XPO5: variants seen among roughly 807,000 people sequenced by gnomAD.
XPO5 encodes exportin-5.
A neutral mutation model predicts 160.6 loss-of-function variants in XPO5; 46 were observed. The ratio of observed to expected loss-of-function variants is 0.29; its 90% CI spans 0.23 to 0.37. The LOEUF (loss-of-function observed/expected upper bound fraction) is 0.37. XPO5 is among the 10% of genes least tolerant of loss of function. The pLI is 1.00. For synonymous variants in XPO5, 537 were observed against 519.3 expected (o/e 1.03, Z -0.46); for missense variants, 1,090 against 1,463.9 (o/e 0.74, Z 4.17).
At chr6:43,565,525 A>C (rs1462405178) in intron 8 of XPO5, 135 bp downstream of exon 8, 32 of 707,596 alleles carry the variant, frequency 4.5e-5, no homozygotes, top group Non-Finnish European at 6.2e-5. Flanking sequence ...AGATCGCGCC[A>C]CTGCACTCCA....
In XPO5 at chr6:43,547,688, C is replaced by A; in HGVS notation, c.2080G>T (p.Ala694Ser). The stretch of plus-strand genomic sequence containing the variant: ...TCTGTACCCACATACGCAATGAAAG[C>A]ATCAACATCTGACAGCACTCTGAAG... ...DMHRVLSDVDAFIAYVGTDQK... is the reference protein window; with the variant it reads ...DMHRVLSDVDSFIAYVGTDQK... Residue 694 changes from alanine (A) to serine (S), a missense_variant, in exon 19 of 32, where the codon GCT becomes TCT. By Grantham distance (99) the Ala-to-Ser change is moderately conservative. Coordinates refer to ENST00000265351, the MANE Select transcript of XPO5 (RefSeq NM_020750.3). 1 of 1,613,960 alleles carries A rather than the reference C, an allele frequency of 6.2e-7. No homozygotes were observed. Among genetic ancestry groups the A allele is most frequent in the Non-Finnish European group, 8.5e-7 (1 of 1,179,876 alleles).
chr6:43,575,878 C>A lies in XPO5; in HGVS notation c.-14G>T, dbSNP rs1364982660. The A allele has an allele frequency of 1.9e-6, 3 of 1,612,892 alleles. No individual in the cohort carries two copies. In the Admixed American group the frequency reaches 5.0e-5, roughly 27 times the overall value. On this transcript the variant is annotated 5_prime_UTR_variant, in exon 1 of 32. Transcript: ENST00000265351. ...ATCCATCGCCATGCCTAGCGCCACGCGCCGAGAGCGCACACCACTGCAGTC... is the reference window on the plus strand; with the variant it reads ...ATCCATCGCCATGCCTAGCGCCACGAGCCGAGAGCGCACACCACTGCAGTC...
chr6:43,539,907 A>G (rs1182582181), intron 20 of XPO5, among the ~76,000 whole-genome samples: 5 of 152,250 alleles, frequency 3.3e-5, no homozygotes, highest in Non-Finnish European at 7.3e-5. Context: ...GTTGAGTTAG[A>G]ATAAGTTACA....
intron 13 of XPO5, 163 bp downstream of exon 13, chr6:43,555,673 T>G: frequency 1.4e-6 from 1 of 720,390 alleles, no homozygotes; most frequent in Non-Finnish European, 2.0e-6. Flanking sequence ...CTGCTTTCTT[T>G]GTGTCAGCCA....
chr6:43,523,520 A>G lies in XPO5; in HGVS notation c.*348T>C. ...TCGCAGGGTTGGGCACAGCACCCTT[A>G]GTTACCATTCTGTACAGGTATGTGG... On this transcript the variant is annotated 3_prime_UTR_variant, in exon 32 of 32. Coordinates refer to ENST00000265351, the MANE Select transcript of XPO5 (RefSeq NM_020750.3). The G allele has an allele frequency of 2.3e-6, 1 of 440,222 alleles. No individual in the cohort carries two copies. Among genetic ancestry groups the G allele is most frequent in the Non-Finnish European group, 4.5e-6 (1 of 224,118 alleles). 27.3% of individuals were successfully genotyped at this position (440,222 alleles called of 1,614,324 possible).
chr6:43,547,730 C>A, intron 18 of XPO5, 23 bp from the exon 19 acceptor site: 5 of 1,600,740 alleles, frequency 3.1e-6, no homozygotes, highest in Non-Finnish European at 4.3e-6. Context: ...GGGGGAAAAA[C>A]AAGTTACATC....
chr6:43,534,138 G>C (rs1180007248), intron 20 of XPO5, 131 bp from the exon 21 acceptor site: 4 of 586,648 alleles, frequency 6.8e-6, no homozygotes, highest in Non-Finnish European at 1.2e-5. Flanking sequence ...GGAAAGAAAA[G>C]AAGGTATAAA....
intron 14 of XPO5, 98 bp downstream of exon 14, chr6:43,553,275 C>A: frequency 7.0e-7 from 1 of 1,420,488 alleles, no homozygotes; most frequent in Non-Finnish European, 9.3e-7. Context: ...GCATTTCAGC[C>A]TGAGCAACAG....
Position 43,522,754 on chromosome 6 carries a change from CAG to C in XPO5, c.*1112_*1113del, listed in dbSNP as rs755570844. ...GATGGACAACAGGTCTGTTTTTGTG[CAG>C]AGCACATGGACACACTGGTTTCTGT... On this transcript the variant is annotated 3_prime_UTR_variant, in exon 32 of 32. Transcript: ENST00000265351. 5 of 491,370 alleles carry C rather than the reference CAG, an allele frequency of 1.0e-5. No individual in the cohort carries two copies. Among genetic ancestry groups the C allele is most frequent in the South Asian group, 7.5e-5 (5 of 66,320 alleles). The allele number at this position is 491,370 out of a possible 1,614,324, so 30.4% of individuals were successfully genotyped here.
At chr6:43,549,315 C>G (rs955673824) in intron 17 of XPO5, among the ~76,000 whole-genome samples, 174 bp downstream of exon 17, 1 of 152,210 alleles carries the variant, frequency 6.6e-6, no homozygotes, top group Non-Finnish European at 1.5e-5. Context: ...CTACCCACCT[C>G]AGTCTCCCAA....
At chr6:43,543,830 C>T (rs897625717) in intron 20 of XPO5, among the ~76,000 whole-genome samples, 1 of 152,034 alleles carries the variant, frequency 6.6e-6, no homozygotes, top group Non-Finnish European at 1.5e-5. Flanking sequence ...GCGCCCGCCA[C>T]CATGCCTGGC....
Position 43,565,647 on chromosome 6 carries a change from T to G in XPO5, c.911+13A>C, listed in dbSNP as rs1425017940. ...AGAAATTAGAAAACACACTGAAAAG[T>G]AAAGATACTCACTGTGCGGCGGAGA... On this transcript the variant is annotated intron_variant, in intron 8 of 31. Transcript: ENST00000265351. 13 of 1,575,110 alleles carry G rather than the reference T, an allele frequency of 8.3e-6. No homozygotes were observed. Among genetic ancestry groups the G allele is most frequent in the African/African-American group, 1.4e-5 (1 of 72,902 alleles).
chr6:43,539,133 C>A (rs1475513178), intron 20 of XPO5: 9 of 1,186,536 alleles, frequency 7.6e-6, no homozygotes, highest in Non-Finnish European at 1.1e-5. Context: ...CGCACCAGCA[C>A]AGAGCCACGG....
chr6:43,549,663 G>A, intron 16 of XPO5, 85 bp from the exon 17 acceptor site: 2 of 1,462,546 alleles, frequency 1.4e-6, no homozygotes, highest in Non-Finnish European at 1.9e-6. Context: ...ATCTCAGTCA[G>A]GGGCAAATTC....
At chr6:43,558,376 A>ATT in intron 12 of XPO5, 125 bp downstream of exon 12, 1 of 811,984 alleles carries the variant, frequency 1.2e-6, no homozygotes, top group Non-Finnish European at 1.9e-6. Context: ...CTAGGGCCTA[A>ATT]TAAGTAGGCT....
intron 8 of XPO5, among the ~76,000 whole-genome samples, chr6:43,563,736 G>A (rs188005689): frequency 6.6e-6 from 1 of 152,082 alleles, no homozygotes; most frequent in Non-Finnish European, 1.5e-5. Context: ...TACAGAAAAG[G>A]TACAGTAAAA....
At chr6:43,536,658 G>A (rs1794341230) in intron 20 of XPO5, among the ~76,000 whole-genome samples, 1 of 149,502 alleles carries the variant, frequency 6.7e-6, no homozygotes, top group Non-Finnish European at 1.5e-5. Context: ...TACTCAGGAG[G>A]CTGAGGTAGG....
Position 43,560,312 on chromosome 6 carries a change from A to C in XPO5, c.1096-9T>G. ...GTTGAAGAGCGTAGAAACTAAAGAG[A>C]AAAAAAAAAGAAAACGTCAAAGGAT... On this transcript the variant is annotated splice_polypyrimidine_tract_variant and intron_variant, in intron 10 of 31. Transcript: ENST00000265351. 1 of 1,458,788 alleles carries C rather than the reference A, an allele frequency of 6.9e-7. No individual in the cohort carries two copies. Among genetic ancestry groups the C allele is most frequent in the Non-Finnish European group, 9.2e-7 (1 of 1,084,526 alleles). The allele number at this position is 1,458,788 out of a possible 1,614,324, so 90.4% of individuals were successfully genotyped here. A position where few individuals can be genotyped will look rare whatever the true frequency, so the allele number is the denominator to read the frequency against.
intron 3 of XPO5, among the ~76,000 whole-genome samples, chr6:43,571,737 G>A (rs1763019748): frequency 6.6e-6 from 1 of 151,900 alleles, no homozygotes; most frequent in Admixed American, 6.6e-5. Flanking sequence ...GAGCCCAGGA[G>A]TTCGAGGCTG....
Sources: gnomAD v4.1 joint callset for allele counts (sites outside exome capture counted in the v4.1 genomes callset) on GRCh38, gnomAD v4.1.1 for gene constraint, MANE v1.5 for transcripts, NCBI Gene and HGNC (gene_info 2026-07-23, HGNC 2026-07-21) for gene names.